The following ECT2L variants were observed in gnomAD, a reference collection of about 807,000 sequenced individuals.
ECT2L encodes epithelial cell transforming 2 like.
A neutral mutation model predicts 122.8 loss-of-function variants in ECT2L; 126 were observed. The observed-to-expected ratio is 1.03, with a 90% CI of 0.89 to 1.19. The LOEUF (loss-of-function observed/expected upper bound fraction) is 1.19. ECT2L is among the 50% of genes most tolerant of loss of function. The pLI is 0.00. For synonymous variants in ECT2L, 385 were observed against 381.8 expected (o/e 1.01, Z -0.10); for missense variants, 1,012 against 1,064.1 (o/e 0.95, Z 0.68).
Position 138,876,494 on chromosome 6 carries a change from AT to A in ECT2L, c.1603del (p.Ser535LeufsTer13), listed in dbSNP as rs759610891. Reference protein sequence around the residue: ...EDSERNVVEDNSWDTKSRLSK... With the variant: ...EDSERNVVEDXSWDTKSRLSK... ...CAGGAAAGAAATGTTGTAGAAGACA[AT>A]TCTTGGGACACAAAGTCCAGGCTCA... On this transcript the variant is annotated frameshift_variant, in exon 14 of 22. Transcript: ENST00000541398. LOFTEE classifies it high-confidence loss of function. 7 of 1,612,418 alleles carry A rather than the reference AT, an allele frequency of 4.3e-6. No individual in the cohort carries two copies. The highest frequency in any genetic ancestry group is 5.9e-6 in the Non-Finnish European group (7 of 1,178,864).
At chr6:138,887,135 T>C (rs1778852619) in intron 19 of ECT2L, among the ~76,000 whole-genome samples, 1 of 152,190 alleles carries the variant, frequency 6.6e-6, no homozygotes, top group Non-Finnish European at 1.5e-5. Context: ...ATCCCATAAC[T>C]TTTTGGCAGT....
In ECT2L at chr6:138,830,317, T is replaced by C. The variant is rs535419741; in HGVS notation, c.180-8035T>C. Among the ~76,000 whole-genome samples the C allele has an allele frequency of 3.9e-5, 6 of 152,274 alleles. No homozygotes were observed. The South Asian group carries it at 1.0e-3, about 26-fold the overall frequency. ...TTTCTAAACGGCCAGATAGCAACAA[T>C]CTTAGGCCTTGTGGGCCCTGTGATC... On this transcript the variant is annotated intron_variant, in intron 4 of 21. Transcript: ENST00000541398.
In ECT2L at chr6:138,903,947, T is replaced by C. The variant is rs1779493551; in HGVS notation, c.*1320T>C. The C allele has an allele frequency of 6.6e-6, 1 of 152,212 alleles. No individual in the cohort carries two copies. The highest frequency in any genetic ancestry group is 1.5e-5 in the Non-Finnish European group (1 of 68,034). The allele number at this position is 152,212 out of a possible 1,614,324, so 9.4% of individuals were successfully genotyped here. On this transcript the variant is annotated 3_prime_UTR_variant, in exon 22 of 22. Transcript: ENST00000541398. ...CTATAGTATTTAAACATTTTTTCTT[T>C]CAGAAATGAAAATACAAAATCTTCT...
At chr6:138,836,929 T>A (rs1776862199) in intron 4 of ECT2L, among the ~76,000 whole-genome samples, 1 of 152,140 alleles carries the variant, frequency 6.6e-6, no homozygotes, top group African/African-American at 2.4e-5. Flanking sequence ...TCCAGACCCA[T>A]CTTATACTTT....
chr6:138,878,246 G>T (rs939985951), intron 14 of ECT2L, among the ~76,000 whole-genome samples: 5 of 151,350 alleles, frequency 3.3e-5, no homozygotes, highest in African/African-American at 1.2e-4. Flanking sequence ...AATGATAAAT[G>T]AAAAACATGA....
At chr6:138,839,727 T>C (rs1297503065) in intron 5 of ECT2L, among the ~76,000 whole-genome samples, 1 of 152,228 alleles carries the variant, frequency 6.6e-6, no homozygotes. Flanking sequence ...TTACTATTTA[T>C]TTTTTGTTTG....
chr6:138,819,248 A>G lies in ECT2L; in HGVS notation c.179+4645A>G, dbSNP rs372778477. ...GATGATGCTTAAAAAAAAAAAAAAAAAAAGGAAATCATTGCGTTTTAAAAG... is the reference window on the plus strand; with the variant it reads ...GATGATGCTTAAAAAAAAAAAAAAAGAAAGGAAATCATTGCGTTTTAAAAG... On this transcript the variant is annotated intron_variant, in intron 4 of 21. Coordinates refer to ENST00000541398, the MANE Select transcript of ECT2L (RefSeq NM_001077706.3). Among the ~76,000 whole-genome samples, 357 of 85,080 alleles carry G rather than the reference A, an allele frequency of 4.2e-3. 2 individuals are homozygous for G. The highest frequency in any genetic ancestry group is 0.027 in the East Asian group (49 of 1,828). 55.8% of individuals were successfully genotyped at this position (85,080 alleles called of 152,430 possible). A position where few individuals can be genotyped will look rare whatever the true frequency, so the allele number is the denominator to read the frequency against.
rs374898524 is a variant in ECT2L at position 138,902,527 on chromosome 6, G to T, written c.2615G>T (p.Gly872Val). ...KYVKNAFILQ[G>V]PKYKWICATE... ...GTCAAGAATGCATTTATTCTTCAGG[G>T]TCCAAAATATAAATGGATTTGTGCT... Residue 872 changes from glycine (G) to valine (V), a missense_variant, in exon 22 of 22, where the codon GGT becomes GTT. Transcript: ENST00000541398. 2 of 1,613,270 alleles carry T rather than the reference G, an allele frequency of 1.2e-6. No homozygotes were observed. The highest frequency in any genetic ancestry group is 1.1e-5 in the South Asian group (1 of 91,004).
At position 138,862,604 on chromosome 6, in the gene ECT2L, C is replaced by A. The variant is rs73557285; in HGVS notation, c.1199-23C>A. 3.7e-6 allele frequency: 6 copies of A among 1,604,422 alleles called. No individual in the cohort carries two copies. The African/African-American group carries it at 8.0e-5, about 21-fold the overall frequency. ...ATGGCAAAATATATGAGGAAACTAA[C>A]GAAAGTGTTTTTGACTATGCAGAGG... is the stretch of plus-strand genomic sequence containing the variant. On this transcript the variant is annotated intron_variant, in intron 10 of 21. Transcript: ENST00000541398.
At position 138,885,652 on chromosome 6, in the gene ECT2L, C is replaced by T. The variant is rs540824019; in HGVS notation, c.2103-22C>T. ...TCCTGGGCCTTCAGAGACCAGAGCT[C>T]CCTTCTCTATGCCTCATACAGCCTG... On this transcript the variant is annotated intron_variant, in intron 17 of 21. Coordinates refer to ENST00000541398, the MANE Select transcript of ECT2L (RefSeq NM_001077706.3). 3.7e-6 allele frequency: 6 copies of T among 1,613,876 alleles called. No homozygotes were observed. In the African/African-American group the frequency reaches 6.7e-5, roughly 18 times the overall value.
chr6:138,862,531 T>C lies in ECT2L; in HGVS notation c.1199-96T>C. ...CACCTCCAACGTTGGGGATTAGATT[T>C]CAACATGAGATTTGGAGGGAACAAA... On this transcript the variant is annotated intron_variant, in intron 10 of 21. Transcript: ENST00000541398. 3 of 1,236,346 alleles carry C rather than the reference T, an allele frequency of 2.4e-6. No homozygotes were observed. The South Asian group carries it at 3.9e-5, about 16-fold the overall frequency. The allele number at this position is 1,236,346 out of a possible 1,614,324, so 76.6% of individuals were successfully genotyped here.
At chr6:138,799,397 G>A (rs568941212) in intron 1 of ECT2L, among the ~76,000 whole-genome samples, 43 of 152,010 alleles carry the variant, frequency 2.8e-4, no homozygotes, top group Admixed American at 5.2e-4. Context: ...GGGACTACAG[G>A]CACCCGCCAC....
chr6:138,846,332 G>A (rs1242644787), intron 7 of ECT2L, among the ~76,000 whole-genome samples: 1 of 152,156 alleles, frequency 6.6e-6, no homozygotes, highest in East Asian at 1.9e-4. Context: ...CACATGTGGT[G>A]GAGGAGAGGC....
chr6:138,849,421 C>A lies in ECT2L; in HGVS notation c.1056C>A (p.Ile352=). Residue 352 remains isoleucine (I), a synonymous_variant, in exon 9 of 22, where the codon ATC becomes ATA. Transcript: ENST00000541398. ...TTAGCGATGGAGACAGCAGAGAAATCAATTTACTCCAAGGTAGGCCTGGGG... is the reference window on the plus strand; with the variant it reads ...TTAGCGATGGAGACAGCAGAGAAATAAATTTACTCCAAGGTAGGCCTGGGG... The part of the protein sequence containing the change: ...GIFSDGDSRE[I]NLLQGYKIGV... 1 of 1,613,108 alleles carries A rather than the reference C, an allele frequency of 6.2e-7. No individual in the cohort carries two copies. Among genetic ancestry groups the A allele is most frequent in the South Asian group, 1.1e-5 (1 of 90,826 alleles).
At chr6:138,893,831 C>T (rs1318464642) in intron 20 of ECT2L, among the ~76,000 whole-genome samples, 1 of 152,140 alleles carries the variant, frequency 6.6e-6, no homozygotes, top group African/African-American at 2.4e-5. Context: ...AAAGCTAGTC[C>T]ACACTTTATC....
chr6:138,837,955 C>T (rs1189997269), intron 4 of ECT2L, among the ~76,000 whole-genome samples: 2 of 149,864 alleles, frequency 1.3e-5, no homozygotes, highest in Non-Finnish European at 1.5e-5. Context: ...GGCTGGAGTG[C>T]AGTAGCACGG....
chr6:138,837,902 C>CTT (rs10708786), intron 4 of ECT2L, among the ~76,000 whole-genome samples: 6 of 140,664 alleles, frequency 4.3e-5, no homozygotes, highest in African/African-American at 7.9e-5. Context: ...AAAGTGAATA[C>CTT]TTTTTTTTTT....
At chr6:138,851,672 T>C (rs2128394377) in intron 9 of ECT2L, among the ~76,000 whole-genome samples, 1 of 152,190 alleles carries the variant, frequency 6.6e-6, no homozygotes, top group East Asian at 1.9e-4. Context: ...TTGGGTTATT[T>C]GATTTTTTTC....
At chr6:138,854,288 C>A in intron 10 of ECT2L, 134 bp downstream of exon 10, 1 of 1,092,974 alleles carries the variant, frequency 9.1e-7, no homozygotes, top group Non-Finnish European at 1.3e-6. Flanking sequence ...CTTTGTACTT[C>A]ACATATCCAG....
Sources: gnomAD v4.1 joint callset for allele counts (sites outside exome capture counted in the v4.1 genomes callset) on GRCh38, gnomAD v4.1.1 for gene constraint, MANE v1.5 for transcripts, NCBI Gene and HGNC (gene_info 2026-07-23, HGNC 2026-07-21) for gene names.